The following ASPG variants were observed in gnomAD, a reference collection of about 807,000 sequenced individuals.
ASPG encodes the protein 60 kDa lysophospholipase.
ASPG carries 53 observed loss-of-function variants against 63.2 expected under a neutral mutation model. The ratio of observed to expected loss-of-function variants is 0.84; its 90% CI spans 0.67 to 1.05. The LOEUF (loss-of-function observed/expected upper bound fraction) is 1.05, where lower values mean the gene tolerates loss of function less well. Among genes scored for constraint, ASPG ranks in the 50% least tolerant of loss-of-function variants. The pLI is 0.00. For synonymous variants in ASPG, 370 were observed against 355.0 expected, an observed-to-expected ratio of 1.04 and a Z score of -0.48; for missense variants, 741 against 794.4, an observed-to-expected ratio of 0.93 and a Z score of 0.81.
chr14:104,085,788 G>T lies in ASPG; in HGVS notation c.18G>T (p.Gly6=), dbSNP rs1485665623. 8.2e-6 allele frequency: 13 copies of T among 1,587,498 alleles called. No homozygotes were observed. The highest frequency in any genetic ancestry group is 1.0e-5 in the Non-Finnish European group (12 of 1,173,624). Reference sequence around the variant, plus strand: ...GGTCCGGCATGGCGCGCGCGGTGGGGCCCGAGCGGAGGCTGCTGGCCGTCT... The same window carrying T: ...GGTCCGGCATGGCGCGCGCGGTGGGTCCCGAGCGGAGGCTGCTGGCCGTCT... The part of the protein sequence containing the change: MARAV[G]PERRLLAVYT... Residue 6 remains glycine, a synonymous_variant, in exon 1 of 16, where the codon GGG becomes GGT. Coordinates refer to ENST00000551177, the MANE Select transcript of ASPG (RefSeq NM_001080464.3).
chr14:104,102,049 T>C (rs1483686791), intron 6 of ASPG, among the ~76,000 whole-genome samples: 2 of 151,974 alleles, frequency 1.3e-5, no homozygotes, highest in African/African-American at 4.8e-5. Flanking sequence ...GGGAGGTCAG[T>C]GCGGGGTGGG....
chr14:104,103,914 C>G (rs571444588), intron 7 of ASPG, among the ~76,000 whole-genome samples: 1 of 152,254 alleles, frequency 6.6e-6, no homozygotes, highest in Non-Finnish European at 1.5e-5. Context: ...GAACGGGGTC[C>G]TCCATGCTTT....
chr14:104,097,171 C>T (rs1028024834), intron 4 of ASPG, among the ~76,000 whole-genome samples: 1 of 152,164 alleles, frequency 6.6e-6, no homozygotes, highest in African/African-American at 2.4e-5. Context: ...ACCGGCTGGC[C>T]CCTGCTGCCA....
chr14:104,088,769 G>A (rs988130799), intron 1 of ASPG, among the ~76,000 whole-genome samples: 3 of 152,254 alleles, frequency 2.0e-5, no homozygotes, highest in East Asian at 1.9e-4. Context: ...GCTTGACTTC[G>A]CTGGTGACAG....
chr14:104,094,972 G>C (rs1169477526), intron 3 of ASPG, among the ~76,000 whole-genome samples: 1 of 152,166 alleles, frequency 6.6e-6, no homozygotes, highest in South Asian at 2.1e-4. Flanking sequence ...GCCGCAGCCT[G>C]GGCCAGCCAC....
chr14:104,094,140 C>T (rs2140990371), intron 3 of ASPG, among the ~76,000 whole-genome samples: 1 of 152,038 alleles, frequency 6.6e-6, no homozygotes, highest in African/African-American at 2.4e-5. Context: ...AGTTCCTCTC[C>T]CCCATGCAAG....
Position 104,103,594 on chromosome 14 carries a change from G to A in ASPG, c.672G>A (p.Gly224=). ...INRELVRKVD[G]KAGLVVHSSM... Reference sequence around the variant, plus strand: ...GGGAGCTGGTGCGGAAGGTGGACGGGAAGGCTGGGCTGGTGGTGCACAGCA... The same window carrying A: ...GGGAGCTGGTGCGGAAGGTGGACGGAAAGGCTGGGCTGGTGGTGCACAGCA... Residue 224 remains glycine (G), a synonymous_variant, in exon 7 of 16, where the codon GGG becomes GGA. Transcript: ENST00000551177. The A allele has an allele frequency of 6.5e-7, 1 of 1,548,166 alleles. No homozygotes were observed. The highest frequency in any genetic ancestry group is 1.4e-5 in the African/African-American group (1 of 73,096).
intron 4 of ASPG, 55 bp from the exon 5 acceptor site, chr14:104,097,499 C>T (rs2036645159): frequency 6.7e-7 from 1 of 1,494,426 alleles, no homozygotes; most frequent in Admixed American, 2.0e-5. Flanking sequence ...ATGAGCCAGA[C>T]ATCCCAGGCT....
chr14:104,108,913 C>G (rs2037265234), intron 12 of ASPG: 13 of 985,308 alleles, frequency 1.3e-5, no homozygotes, highest in Non-Finnish European at 1.6e-5. Flanking sequence ...AGGAGCTATT[C>G]TGCTAGCACC....
intron 1 of ASPG, among the ~76,000 whole-genome samples, chr14:104,086,317 A>T (rs1370023058): frequency 2.6e-5 from 4 of 152,170 alleles, no homozygotes; most frequent in Non-Finnish European, 5.9e-5. Flanking sequence ...GTCAGGCAGC[A>T]GTGGTTGGCA....
chr14:104,089,096 C>T (rs12897334), intron 1 of ASPG, among the ~76,000 whole-genome samples: 56,905 of 151,916 alleles, frequency 0.37, 12,065 homozygotes, highest in Non-Finnish European at 0.5. Flanking sequence ...TCTCAGCTCA[C>T]TGCAAGCTCT....
In ASPG at chr14:104,106,886, G is replaced by C; in HGVS notation, c.1261G>C (p.Val421Leu). The stretch of plus-strand genomic sequence containing the variant: ...TGACGTGGAGGCGCTGCAGGCGCTT[G>C]TGGAGCTGGTGAGCCTCCCCCACCC... ...AGDVEALQALVELGSDLGLVD... is the reference protein window; with the variant it reads ...AGDVEALQALLELGSDLGLVD... Residue 421 changes from valine (V) to leucine (L), a missense_variant, in exon 11 of 16, where the codon GTG (valine) becomes CTG (leucine). Coordinates refer to ENST00000551177, the MANE Select transcript of ASPG (RefSeq NM_001080464.3). 1.3e-6 allele frequency: 2 copies of C among 1,575,884 alleles called. No individual in the cohort carries two copies. The highest frequency in any genetic ancestry group is 4.7e-5 in the East Asian group (2 of 42,958).
At chr14:104,097,445 C>T (rs924749159) in intron 4 of ASPG, 109 bp from the exon 5 acceptor site, 10 of 1,113,626 alleles carry the variant, frequency 9.0e-6, no homozygotes, top group Admixed American at 2.6e-5. Flanking sequence ...TTTCCCACAC[C>T]CGCCTGGGGC....
chr14:104,095,090 C>G (rs1386063714), intron 3 of ASPG, among the ~76,000 whole-genome samples: 3 of 152,214 alleles, frequency 2.0e-5, no homozygotes, highest in Non-Finnish European at 4.4e-5. Flanking sequence ...CCTCCAGGAT[C>G]ACCTGCTGGT....
intron 1 of ASPG, 69 bp downstream of exon 1, chr14:104,085,921 G>C: frequency 7.1e-7 from 1 of 1,417,750 alleles, no homozygotes; most frequent in South Asian, 1.3e-5. Context: ...GGACCCTCCT[G>C]CACCCACGGG....
chr14:104,095,581 C>A lies in ASPG; in HGVS notation c.354C>A (p.Thr118=). The change falls in exon 4 of 16, where the codon ACC becomes ACA. Residue 118 remains threonine, a synonymous_variant. Transcript: ENST00000551177. ...TTGTGGTCATCCACGGCACCGACAC[C>A]ATGGCCTTTGCTGCCTCGATGCTGT... ...HGFVVIHGTD[T]MAFAASMLSF... 6.2e-7 allele frequency: 1 copy of A among 1,613,290 alleles called. No individual in the cohort carries two copies. Among genetic ancestry groups the A allele is most frequent in the Non-Finnish European group, 8.5e-7 (1 of 1,179,826 alleles).
At position 104,110,182 on chromosome 14, in the gene ASPG, C is replaced by G. The variant is rs1038851865; in HGVS notation, c.1520+867C>G. The G allele has an allele frequency of 1.0e-6, 1 of 984,600 alleles. No homozygotes were observed. Among genetic ancestry groups the G allele is most frequent in the African/African-American group, 1.8e-5 (1 of 57,008 alleles). The allele number at this position is 984,600 out of a possible 1,614,324, so 61.0% of individuals were successfully genotyped here. A position where few individuals can be genotyped will look rare whatever the true frequency, so the allele number is the denominator to read the frequency against. ...GCAGGTGGTGGCTGGGGTGGGGGTGCTGTGAGTGGTGGGGTCTGTGCGCCT... is the reference window on the plus strand; with the variant it reads ...GCAGGTGGTGGCTGGGGTGGGGGTGGTGTGAGTGGTGGGGTCTGTGCGCCT... On this transcript the variant is annotated intron_variant, in intron 13 of 15. Transcript: ENST00000551177. The surrounding 1 kb of genome is among the most constrained non-coding windows in gnomAD (Gnocchi z 4.7).
At chr14:104,099,120 C>G in intron 6 of ASPG, 141 bp downstream of exon 6, 2 of 1,375,050 alleles carry the variant, frequency 1.5e-6, no homozygotes, top group Non-Finnish European at 2.0e-6. Flanking sequence ...TTGGTTCTGC[C>G]CTGGGCTGTG....
rs372030123 is a variant in ASPG, at chr14:104,110,740, C to T, written c.1521-762C>T. On this transcript the variant is annotated intron_variant, in intron 13 of 15. Coordinates refer to ENST00000551177, the MANE Select transcript of ASPG (RefSeq NM_001080464.3). This position sits in a 1 kb window ranked among gnomAD's most constrained non-coding sequence, Gnocchi z 4.7. ...GAGGAGGGGGCAGCCCCTTCCTCAC[C>T]AGGCCACTTCCCCCAGCCCCTGCAC... 3.2e-5 allele frequency: 32 copies of T among 985,218 alleles called. No individual in the cohort carries two copies. In the East Asian group the frequency reaches 2.2e-3, roughly 66 times the overall value. The allele number at this position is 985,218 out of a possible 1,614,324, so 61.0% of individuals were successfully genotyped here. A position where few individuals can be genotyped will look rare whatever the true frequency, so the allele number is the denominator to read the frequency against.
Sources: gnomAD v4.1 joint callset for allele counts (sites outside exome capture counted in the v4.1 genomes callset) on GRCh38, gnomAD v4.1.1 for gene constraint, Gnocchi (gnomAD v3.1) non-coding constraint, MANE v1.5 for transcripts, NCBI Gene and HGNC (gene_info 2026-07-23, HGNC 2026-07-21) for gene names.